Variants in OR3A2 observed in about 807,000 individuals in gnomAD.
OR3A2 encodes olfactory receptor family 3 subfamily A member 2, also known as olfactory receptor 3A2.
For synonymous variants in OR3A2, 126 were observed against 159.3 expected (o/e 0.79, Z 1.57); for missense variants, 318 against 392.8 (o/e 0.81, Z 1.61).
At chr17:3,370,097 C>T (rs1460961322) in intron 2 of OR3A2, among the ~76,000 whole-genome samples, 1 of 152,132 alleles carries the variant, frequency 6.6e-6, no homozygotes, top group Non-Finnish European at 1.5e-5. Flanking sequence ...GCCACAGTGC[C>T]CAGCCCAATT....
intron 1 of OR3A2, among the ~76,000 whole-genome samples, chr17:3,282,031 T>C (rs1379172428): frequency 2.0e-5 from 3 of 152,164 alleles, no homozygotes; most frequent in African/African-American, 2.4e-5. Flanking sequence ...TCCCTCTTCA[T>C]TGTTTTTCTC....
chr17:3,307,931 A>T (rs1366939197), intron 3 of OR3A2, among the ~76,000 whole-genome samples: 1 of 152,226 alleles, frequency 6.6e-6, no homozygotes, highest in African/African-American at 2.4e-5. Context: ...GGATTAAATC[A>T]GAAACCCAAA....
At chr17:3,354,386 A>G (rs1362567489) in intron 2 of OR3A2, among the ~76,000 whole-genome samples, 1 of 151,336 alleles carries the variant, frequency 6.6e-6, no homozygotes, top group Non-Finnish European at 1.5e-5. Flanking sequence ...ATCATGGTAC[A>G]CTGTAGCCTC....
At chr17:3,350,993 C>A (rs1316310214) in intron 2 of OR3A2, among the ~76,000 whole-genome samples, 8 of 152,008 alleles carry the variant, frequency 5.3e-5, no homozygotes, top group African/African-American at 1.2e-4. Context: ...ACCTTTCATG[C>A]TAAAAACTCT....
At chr17:3,334,375 CAT>C (rs991010928) in intron 3 of OR3A2, among the ~76,000 whole-genome samples, 6 of 152,174 alleles carry the variant, frequency 3.9e-5, no homozygotes, top group Non-Finnish European at 8.8e-5. Context: ...TTAGCTTCCA[CAT>C]ATGAGTGAGA....
At chr17:3,292,279 T>G in intron 3 of OR3A2, 1 of 1,613,926 alleles carries the variant, frequency 6.2e-7, no homozygotes, top group Non-Finnish European at 8.5e-7. Context: ...AAGAGCTGGG[T>G]AAGGCAGGCC....
chr17:3,301,470 G>T (rs903933848), intron 3 of OR3A2, among the ~76,000 whole-genome samples: 3 of 152,070 alleles, frequency 2.0e-5, no homozygotes, highest in Non-Finnish European at 4.4e-5. Context: ...TCATGTGTCT[G>T]TTGGCTGCAT....
At chr17:3,341,163 T>C (rs2049314726) in intron 2 of OR3A2, among the ~76,000 whole-genome samples, 1 of 152,232 alleles carries the variant, frequency 6.6e-6, no homozygotes, top group African/African-American at 2.4e-5. Flanking sequence ...TGTGTGTCTC[T>C]GCCCATGAGA....
At chr17:3,310,636 T>C (rs1255020343) in intron 3 of OR3A2, 1 of 541,784 alleles carries the variant, frequency 1.8e-6, no homozygotes, top group South Asian at 1.4e-5. Context: ...TTCTTCCACC[T>C]CCTGGCTGGG....
chr17:3,334,337 T>C (rs762210671), intron 3 of OR3A2, among the ~76,000 whole-genome samples: 5 of 152,164 alleles, frequency 3.3e-5, no homozygotes, highest in Non-Finnish European at 7.4e-5. Flanking sequence ...TAACCACTAT[T>C]CTACTATCGT....
At chr17:3,380,908 T>A (rs1004263131) in intron 2 of OR3A2, among the ~76,000 whole-genome samples, 2 of 152,164 alleles carry the variant, frequency 1.3e-5, no homozygotes, top group East Asian at 3.9e-4. Flanking sequence ...GGTATGTGGA[T>A]GTTTGCGTGT....
intron 3 of OR3A2, among the ~76,000 whole-genome samples, chr17:3,321,535 T>C (rs1434511763): frequency 1.3e-5 from 2 of 152,230 alleles, no homozygotes; most frequent in East Asian, 3.9e-4. Context: ...ATAGCTCTTA[T>C]TATTTTGAGA....
rs150109119 is a variant in OR3A2 at position 3,305,453 on chromosome 17, C to A, written c.-84-26300G>T. On this transcript the variant is annotated intron_variant, in intron 3 of 4. Coordinates refer to the OR3A2 transcript ENST00000573491. ...AATTTTTACTTTTGTCATGAGGTAA[C>A]AAGGAATCTAGTCTTGGGAATGTAG... Among the ~76,000 whole-genome samples, 551 of 152,196 alleles carry A rather than the reference C, an allele frequency of 3.6e-3. 4 individuals carry two copies. The highest frequency in any genetic ancestry group is 0.013 in the African/African-American group (526 of 41,508).
intron 3 of OR3A2, among the ~76,000 whole-genome samples, chr17:3,290,818 G>C (rs781109400): frequency 3.3e-5 from 5 of 152,206 alleles, no homozygotes; most frequent in Admixed American, 6.5e-5. Flanking sequence ...TGGAGACTAA[G>C]AGTGAGAGTT....
chr17:3,386,262 G>C (rs2150671446), exon 1 of OR3A2: 1 of 398,754 alleles, frequency 2.5e-6, no homozygotes. Context: ...GCATCACCGA[G>C]AGCTACCTCC....
intron 3 of OR3A2, chr17:3,310,264 C>A: frequency 2.0e-6 from 1 of 494,752 alleles, no homozygotes; most frequent in Non-Finnish European, 4.2e-6. Flanking sequence ...TCTGCCACCA[C>A]CGGCCCCATC....
chr17:3,373,719 A>G (rs1241193915), intron 2 of OR3A2, among the ~76,000 whole-genome samples: 1 of 152,092 alleles, frequency 6.6e-6, no homozygotes, highest in Non-Finnish European at 1.5e-5. Context: ...AAGACAGAAG[A>G]TACTTTTTTG....
chr17:3,286,111 T>C (rs987214938), upstream of OR3A2, among the ~76,000 whole-genome samples: 3 of 151,784 alleles, frequency 2.0e-5, no homozygotes, highest in Non-Finnish European at 4.4e-5. Context: ...TTCCCGTCCC[T>C]GCGTCCATGT....
chr17:3,349,876 TCTCA>T (rs2049404248), intron 2 of OR3A2, among the ~76,000 whole-genome samples: 1 of 151,918 alleles, frequency 6.6e-6, no homozygotes, highest in South Asian at 2.1e-4. Context: ...TGATTAAGAA[TCTCA>T]CTCAAAACCA....
Sources: allele counts gnomAD v4.1 joint callset (sites outside exome capture counted in the v4.1 genomes callset), GRCh38; gene constraint gnomAD v4.1.1; transcripts MANE v1.5; gene names NCBI Gene and HGNC (gene_info 2026-07-23, HGNC 2026-07-21).